PDS5B: variants seen among roughly 807,000 people sequenced by gnomAD.
The protein encoded by PDS5B is sister chromatid cohesion protein PDS5 homolog B.
Under a neutral mutation model 184.1 loss-of-function variants are expected in PDS5B, and 51 were observed. The observed-to-expected ratio is 0.28, with a 90% CI of 0.22 to 0.35. PDS5B has a LOEUF of 0.35. Among genes scored for constraint, PDS5B ranks in the 10% least tolerant of loss-of-function variants. The pLI is 1.00. For synonymous variants in PDS5B, 566 were observed against 569.2 expected (o/e 0.99, Z 0.08); for missense variants, 1,180 against 1,723.3 (o/e 0.68, Z 5.58).
At chr13:32,627,936 C>A (rs1267017405) in intron 1 of PDS5B, among the ~76,000 whole-genome samples, 2 of 152,120 alleles carry the variant, frequency 1.3e-5, no homozygotes, top group Non-Finnish European at 1.5e-5. Flanking sequence ...TGATTGTATT[C>A]TTGTTAAAAG....
intron 1 of PDS5B, among the ~76,000 whole-genome samples, chr13:32,624,012 A>G (rs1400627445): frequency 6.6e-6 from 1 of 151,816 alleles, no homozygotes; most frequent in Non-Finnish European, 1.5e-5. Flanking sequence ...GGGTTTCACC[A>G]TGTTGGCCAA....
At chr13:32,587,425 C>T (rs935117803) in intron 1 of PDS5B, among the ~76,000 whole-genome samples, 1 of 152,156 alleles carries the variant, frequency 6.6e-6, no homozygotes, top group African/African-American at 2.4e-5. Flanking sequence ...AATTGTGACT[C>T]GTTATTGTTT....
At chr13:32,714,311 G>A (rs1462917373) in intron 19 of PDS5B, among the ~76,000 whole-genome samples, 2 of 151,922 alleles carry the variant, frequency 1.3e-5, no homozygotes, top group African/African-American at 2.4e-5. Flanking sequence ...TTATTAGGCG[G>A]GAATTTCCTC....
intron 1 of PDS5B, among the ~76,000 whole-genome samples, chr13:32,618,337 A>G (rs79432248): frequency 0.016 from 2,378 of 152,340 alleles, 32 homozygotes; most frequent in Middle Eastern, 0.051. Flanking sequence ...GTGGTCAACC[A>G]TGGTCTGAAA....
At chr13:32,700,573 G>A (rs1007116238) in intron 16 of PDS5B, among the ~76,000 whole-genome samples, 2 of 151,926 alleles carry the variant, frequency 1.3e-5, no homozygotes, top group Admixed American at 1.3e-4. Context: ...TATAATATTT[G>A]CCTAGTTTTA....
chr13:32,667,978 T>A lies in PDS5B; in HGVS notation c.705+134T>A, dbSNP rs576326249. On this transcript the variant is annotated intron_variant, in intron 7 of 34. Transcript: ENST00000315596. The stretch of plus-strand genomic sequence containing the variant: ...GTGTTGTTTTAACCCTTAAGTAATA[T>A]ATTTTCTTTCTCCTTCTTAAAATTA... The A allele has an allele frequency of 8.8e-6, 4 of 453,890 alleles. No homozygotes were observed. The Admixed American group carries it at 1.7e-4, about 19-fold the overall frequency. 28.1% of individuals were successfully genotyped at this position (453,890 alleles called of 1,614,324 possible).
intron 6 of PDS5B, 101 bp downstream of exon 6, chr13:32,659,381 T>C (rs529259580): frequency 1.2e-6 from 1 of 815,698 alleles, no homozygotes; most frequent in South Asian, 4.1e-5. Context: ...CTTTAATCTT[T>C]TAGAGAATCT....
chr13:32,687,763 G>A (rs1005888205), intron 12 of PDS5B, among the ~76,000 whole-genome samples: 4 of 151,936 alleles, frequency 2.6e-5, no homozygotes, highest in Admixed American at 1.3e-4. Context: ...ATCTTGTATG[G>A]ACTGCAGTCA....
At chr13:32,750,790 C>T (rs2140992863) in intron 24 of PDS5B, among the ~76,000 whole-genome samples, 1 of 151,862 alleles carries the variant, frequency 6.6e-6, no homozygotes, top group South Asian at 2.1e-4. Flanking sequence ...GATCCACTTG[C>T]CTTGGCCTCC....
rs1265050518 is a variant in PDS5B at position 32,755,042 on chromosome 13, A to G, written c.2942-800A>G. 2.0e-5 allele frequency among the ~76,000 whole-genome samples: 3 copies of G among 152,216 alleles called. No homozygotes were observed. In the East Asian group the frequency reaches 5.8e-4, roughly 29 times the overall value. ...TTCCACGTCGGCCTTGAAATGAATGATGTTACACACAAACTGTTCTCTGTA... is the reference window on the plus strand; with the variant it reads ...TTCCACGTCGGCCTTGAAATGAATGGTGTTACACACAAACTGTTCTCTGTA... On this transcript the variant is annotated intron_variant, in intron 25 of 34. Transcript: ENST00000315596.
chr13:32,666,600 TA>T (rs68181366), intron 6 of PDS5B, among the ~76,000 whole-genome samples: 3,566 of 148,272 alleles, frequency 0.024, 52 homozygotes, highest in Middle Eastern at 0.052. Flanking sequence ...TACATATCCA[TA>T]AAAAAAAAAA....
intron 20 of PDS5B, among the ~76,000 whole-genome samples, chr13:32,734,015 A>ACACACACACACACACACACAC (rs1555312887): frequency 1.9e-4 from 11 of 58,138 alleles, no homozygotes; most frequent in Middle Eastern, 7.6e-3. Flanking sequence ...CACACACACA[A>ACACACACACACACACACACAC]ACATATATTT....
At chr13:32,657,372 T>G (rs1481816961) in intron 3 of PDS5B, among the ~76,000 whole-genome samples, 1 of 152,214 alleles carries the variant, frequency 6.6e-6, no homozygotes, top group Non-Finnish European at 1.5e-5. Context: ...TGTCTGAAAT[T>G]AGAATAGCAA....
chr13:32,667,392 T>A (rs1950828131), intron 6 of PDS5B, among the ~76,000 whole-genome samples: 1 of 152,314 alleles, frequency 6.6e-6, no homozygotes, highest in East Asian at 1.9e-4. Flanking sequence ...AGAACATAGT[T>A]CATTCTCTTA....
At chr13:32,728,490 C>T (rs778173070) in intron 19 of PDS5B, among the ~76,000 whole-genome samples, 12 of 152,114 alleles carry the variant, frequency 7.9e-5, no homozygotes, top group Non-Finnish European at 1.5e-4. Context: ...CAGCCAAAGA[C>T]TCAGGGATAG....
At position 32,775,070 on chromosome 13, in the gene PDS5B, C is replaced by G. The variant is rs201466447; in HGVS notation, c.*18C>G. 1 of 1,444,114 alleles carries G rather than the reference C, an allele frequency of 6.9e-7. No individual in the cohort carries two copies. Among genetic ancestry groups the G allele is most frequent in the African/African-American group, 1.4e-5 (1 of 69,966 alleles). The allele number at this position is 1,444,114 out of a possible 1,614,324, so 89.5% of individuals were successfully genotyped here. ...GGCGATGAACAAATGTAATTAATAA[C>G]TTTCTCTGTGAAAGCTTTGGAAAAA... is the stretch of plus-strand genomic sequence containing the variant. On this transcript the variant is annotated 3_prime_UTR_variant, in exon 35 of 35. Transcript: ENST00000315596.
chr13:32,679,315 T>C (rs1165704669), intron 10 of PDS5B, among the ~76,000 whole-genome samples: 1 of 152,180 alleles, frequency 6.6e-6, no homozygotes, highest in Non-Finnish European at 1.5e-5. Context: ...AAACTAGTAA[T>C]TGTTCCTGGA....
chr13:32,609,859 C>G (rs1593257086), intron 1 of PDS5B, among the ~76,000 whole-genome samples: 1 of 149,328 alleles, frequency 6.7e-6, no homozygotes, highest in Non-Finnish European at 1.5e-5. Flanking sequence ...GAACTGAGAT[C>G]TCTAGCAGAG....
chr13:32,619,709 C>T (rs114855815), intron 1 of PDS5B, among the ~76,000 whole-genome samples: 196 of 152,214 alleles, frequency 1.3e-3, no homozygotes, highest in African/African-American at 4.0e-3. Context: ...ATGAGACCAC[C>T]GTTATATATG....
Sources: gnomAD v4.1 joint callset for allele counts (sites outside exome capture counted in the v4.1 genomes callset) on GRCh38, gnomAD v4.1.1 for gene constraint, MANE v1.5 for transcripts, NCBI Gene and HGNC (gene_info 2026-07-23, HGNC 2026-07-21) for gene names.